Variants in RIMS2 observed in about 807,000 individuals in gnomAD.
The protein encoded by RIMS2 is regulating synaptic membrane exocytosis protein 2.
Under a neutral mutation model 174.4 loss-of-function variants are expected in RIMS2, and 59 were observed. That is an observed-to-expected ratio of 0.34 (90% CI 0.27 to 0.42). RIMS2 has a LOEUF of 0.42. Ranked by LOEUF, RIMS2 falls within the 10% of genes least tolerant of loss-of-function variation. The probability of loss-of-function intolerance (pLI) is 1.00; values close to 1 mark genes in which losing one functional copy is unlikely to be tolerated. For missense variants in RIMS2, 1,620 were observed against 1,666.3 expected, an observed-to-expected ratio of 0.97 and a Z score of 0.48; for synonymous variants, 606 against 572.5, an observed-to-expected ratio of 1.06 and a Z score of -0.84.
At chr8:103,630,897 T>G (rs1166883308) in intron 1 of RIMS2, among the ~76,000 whole-genome samples, 1 of 152,210 alleles carries the variant, frequency 6.6e-6, no homozygotes, top group Admixed American at 6.5e-5. Flanking sequence ...TTAATATGCT[T>G]GTTGGCTGCA....
chr8:103,708,712 A>T (rs2097264018), intron 2 of RIMS2, among the ~76,000 whole-genome samples: 1 of 152,122 alleles, frequency 6.6e-6, no homozygotes. Context: ...TCTGTGCATA[A>T]TGTAGCATTT....
At chr8:103,910,716 T>G (rs2075502062) in intron 5 of RIMS2, among the ~76,000 whole-genome samples, 187 bp downstream of exon 8, 1 of 152,204 alleles carries the variant, frequency 6.6e-6, no homozygotes, top group East Asian at 1.9e-4. Flanking sequence ...AACCTCTTGC[T>G]TGCTTTGCTG....
At chr8:104,091,278 GA>G (rs1265522307) in intron 19 of RIMS2, among the ~76,000 whole-genome samples, 1 of 151,574 alleles carries the variant, frequency 6.6e-6, no homozygotes, top group Non-Finnish European at 1.5e-5. Flanking sequence ...GAATTTAGAT[GA>G]TATAATAATC....
rs1209433054 is a variant in RIMS2 at position 104,188,253 on chromosome 8, AGATAGATAGATAGATAGATG to A, written c.3335-56659_3335-56640del. Reference sequence around the variant, plus strand: ...TAGATAGATAGATAGATAGATAGATAGATAGATAGATAGATAGATGGATGAAGTATAAAATCATCTAGATA... The same window carrying A: ...TAGATAGATAGATAGATAGATAGATAGATGAAGTATAAAATCATCTAGATA... On this transcript the variant is annotated intron_variant, in intron 19 of 23. Coordinates refer to ENST00000504942, the Ensembl canonical transcript of RIMS2. Among the ~76,000 whole-genome samples, 29 of 146,088 alleles carry A rather than the reference AGATAGATAGATAGATAGATG, an allele frequency of 2.0e-4. 1 individual carries two copies. Among genetic ancestry groups the A allele is most frequent in the East Asian group, 1.6e-3 (8 of 4,878 alleles).
intron 4 of RIMS2, among the ~76,000 whole-genome samples, chr8:103,890,005 C>G (rs902650501): frequency 2.0e-5 from 3 of 151,920 alleles, no homozygotes; most frequent in Non-Finnish European, 4.4e-5. Context: ...ACCTATAAAT[C>G]TGTAAATCAG....
chr8:103,645,310 A>G (rs2096304863), intron 1 of RIMS2, among the ~76,000 whole-genome samples: 1 of 152,046 alleles, frequency 6.6e-6, no homozygotes, highest in Admixed American at 6.6e-5. Flanking sequence ...TACACTCTGA[A>G]TTTTATAAAG....
chr8:104,217,759 T>C (rs1429602165), intron 19 of RIMS2, among the ~76,000 whole-genome samples: 1 of 152,226 alleles, frequency 6.6e-6, no homozygotes, highest in African/African-American at 2.4e-5. Context: ...AAGAAAAGAT[T>C]ATATATTTTG....
intron 1 of RIMS2, among the ~76,000 whole-genome samples, chr8:103,692,169 C>A (rs1033817569): frequency 1.3e-5 from 2 of 152,166 alleles, no homozygotes; most frequent in Non-Finnish European, 2.9e-5. Context: ...GCCAGCCCAG[C>A]CTTGTGCCTC....
intron 4 of RIMS2, among the ~76,000 whole-genome samples, chr8:103,907,171 A>G (rs944680316): frequency 3.3e-5 from 5 of 152,242 alleles, no homozygotes; most frequent in Non-Finnish European, 5.9e-5. Flanking sequence ...TTTCTGATTC[A>G]TTAAGTCTAG....
intron 17 of RIMS2, among the ~76,000 whole-genome samples, chr8:104,008,779 G>A (rs1374277167): frequency 6.6e-6 from 1 of 151,444 alleles, no homozygotes; most frequent in African/African-American, 2.4e-5. Context: ...TTATTAACTT[G>A]GCTGACTCTA....
intron 1 of RIMS2, among the ~76,000 whole-genome samples, chr8:103,582,469 G>A (rs1223454495): frequency 6.6e-6 from 1 of 152,086 alleles, no homozygotes; most frequent in Admixed American, 6.6e-5. Flanking sequence ...GGGGGATAGA[G>A]CACCAAGAGG....
intron 19 of RIMS2, among the ~76,000 whole-genome samples, chr8:104,240,660 A>G (rs146039764): frequency 4.9e-4 from 75 of 152,276 alleles, no homozygotes; most frequent in African/African-American, 1.4e-3. Context: ...CGTAGACATT[A>G]GAACTCAAAG....
At chr8:103,892,729 A>T (rs886744949) in intron 4 of RIMS2, among the ~76,000 whole-genome samples, 1 of 152,056 alleles carries the variant, frequency 6.6e-6, no homozygotes, top group Non-Finnish European at 1.5e-5. Flanking sequence ...AGGCATCATT[A>T]TAACTCCTGA....
intron 19 of RIMS2, among the ~76,000 whole-genome samples, chr8:104,138,394 C>T (rs918408576): frequency 2.6e-5 from 4 of 152,142 alleles, no homozygotes; most frequent in African/African-American, 9.7e-5. Context: ...TTCCCACCAA[C>T]GGTGTAAGAG....
intron 3 of RIMS2, among the ~76,000 whole-genome samples, chr8:103,791,459 C>CA (rs2098498578): frequency 6.6e-6 from 1 of 152,168 alleles, no homozygotes; most frequent in Non-Finnish European, 1.5e-5. Flanking sequence ...CGAGCCACTG[C>CA]AAAAACATGC....
intron 19 of RIMS2, among the ~76,000 whole-genome samples, chr8:104,104,861 CAG>C (rs1335462542): frequency 1.4e-5 from 2 of 143,270 alleles, no homozygotes; most frequent in Non-Finnish European, 3.0e-5. Context: ...GCCTGGTTGA[CAG>C]AGTGAGACCC....
At chr8:103,925,685 T>C (rs2078638264) in intron 10 of RIMS2, among the ~76,000 whole-genome samples, 1 of 151,530 alleles carries the variant, frequency 6.6e-6, no homozygotes, top group South Asian at 2.1e-4. Flanking sequence ...GTGAGACACA[T>C]AGTAGTTTGC....
intron 3 of RIMS2, among the ~76,000 whole-genome samples, chr8:103,869,235 G>A (rs115577225): frequency 0.01 from 1,537 of 146,768 alleles, 28 homozygotes; most frequent in African/African-American, 0.037. Flanking sequence ...CGCTCCTGTC[G>A]CCCAGGCTGA....
chr8:104,184,472 C>T (rs1278510180), intron 19 of RIMS2, among the ~76,000 whole-genome samples: 1 of 151,438 alleles, frequency 6.6e-6, no homozygotes, highest in Non-Finnish European at 1.5e-5. Context: ...AACTCTTTTA[C>T]CTACCTCATG....
Sources: gnomAD v4.1 joint callset for allele counts (sites outside exome capture counted in the v4.1 genomes callset) on GRCh38, gnomAD v4.1.1 for gene constraint, MANE v1.5 for transcripts, NCBI Gene and HGNC (gene_info 2026-07-23, HGNC 2026-07-21) for gene names.